RTN1: variants seen among roughly 807,000 people sequenced by gnomAD.
RTN1 encodes the protein reticulon 1.
A neutral mutation model predicts 65.5 loss-of-function variants in RTN1; 25 were observed. The observed-to-expected ratio is 0.38, with a 90% CI of 0.28 to 0.53. The LOEUF is 0.53. RTN1 is among the 20% of genes least tolerant of loss of function. The probability of loss-of-function intolerance (pLI) is 0.79; values close to 1 mark genes in which losing one functional copy is unlikely to be tolerated. For missense variants in RTN1, 983 were observed against 1,025.4 expected, an observed-to-expected ratio of 0.96 and a Z score of 0.57; for synonymous variants, 471 against 447.6, an observed-to-expected ratio of 1.05 and a Z score of -0.66.
At chr14:59,620,637 T>G (rs950097400) in intron 3 of RTN1, among the ~76,000 whole-genome samples, 1 of 152,260 alleles carries the variant, frequency 6.6e-6, no homozygotes, top group Admixed American at 6.5e-5. Flanking sequence ...TGGCTTATAT[T>G]ATATTTCTAT....
Position 59,636,553 on chromosome 14 carries a change from C to CA in RTN1, c.1766-29062dup, listed in dbSNP as rs560648369. 2.8e-3 allele frequency among the ~76,000 whole-genome samples: 421 copies of CA among 152,276 alleles called. 3 individuals are homozygous for CA. Among genetic ancestry groups the CA allele is most frequent in the African/African-American group, 1.0e-2 (414 of 41,558 alleles). On this transcript the variant is annotated intron_variant, in intron 3 of 8. Coordinates refer to ENST00000267484, the MANE Select transcript of RTN1 (RefSeq NM_021136.3). ...AGTCTCAGGTATTCCTTTATAGTAA[C>CA]AAAAGAACAGCCTAACACACTAGGT...
intron 1 of RTN1, among the ~76,000 whole-genome samples, chr14:59,749,200 ATATATATATCTATATATATCTATATATC>A (rs1566711077): frequency 1.1e-4 from 6 of 56,668 alleles, no homozygotes; most frequent in African/African-American, 2.5e-4. Context: ...ATATATATCT[ATATATATATCTATATATATCTATATATC>A]TATATATATC....
At chr14:59,759,997 C>A (rs532216810) in intron 1 of RTN1, among the ~76,000 whole-genome samples, 1 of 152,246 alleles carries the variant, frequency 6.6e-6, no homozygotes, top group East Asian at 1.9e-4. Context: ...AACCAGCAAC[C>A]TTCTTACAGG....
intron 3 of RTN1, among the ~76,000 whole-genome samples, chr14:59,724,006 A>T (rs1448026203): frequency 6.6e-6 from 1 of 152,208 alleles, no homozygotes; most frequent in Non-Finnish European, 1.5e-5. Context: ...TTTTATGAAA[A>T]TTTTTAAATT....
At chr14:59,685,035 A>G (rs1322708983) in intron 3 of RTN1, among the ~76,000 whole-genome samples, 5 of 152,222 alleles carry the variant, frequency 3.3e-5, no homozygotes, top group African/African-American at 1.2e-4. Context: ...ATGCAAATCA[A>G]TAAATGTAAT....
chr14:59,713,758 T>C (rs992595283), intron 3 of RTN1, among the ~76,000 whole-genome samples: 2 of 152,190 alleles, frequency 1.3e-5, no homozygotes, highest in African/African-American at 4.8e-5. Flanking sequence ...GTATAGTTTT[T>C]AATGACAACA....
At chr14:59,750,159 T>TATATTATATCTATAATATATAATAC in intron 1 of RTN1, among the ~76,000 whole-genome samples, 1 of 46,104 alleles carries the variant, frequency 2.2e-5, no homozygotes, top group Non-Finnish European at 3.4e-5. Context: ...TTATAGATAA[T>TATATTATATCTATAATATATAATAC]ATATATTATA....
At chr14:59,695,712 C>A (rs1884049627) in intron 3 of RTN1, among the ~76,000 whole-genome samples, 1 of 152,134 alleles carries the variant, frequency 6.6e-6, no homozygotes, top group African/African-American at 2.4e-5. Flanking sequence ...ATTACCATCT[C>A]TTTTATCTAT....
In RTN1 at chr14:59,803,497, C is replaced by G. The variant is rs1055069436; in HGVS notation, c.242-57016G>C. ...CAAATCTACTCTGGCCTGAATTATT[C>G]AAGTTAAATACAACCTTCTTTGCAG... On this transcript the variant is annotated intron_variant, in intron 1 of 8. Transcript: ENST00000267484. This position sits in a 1 kb window ranked among gnomAD's most constrained non-coding sequence, Gnocchi z 5.6. Among the ~76,000 whole-genome samples, 1 of 152,184 alleles carries G rather than the reference C, an allele frequency of 6.6e-6. No homozygotes were observed. The highest frequency in any genetic ancestry group is 2.4e-5 in the African/African-American group (1 of 41,436).
intron 8 of RTN1, among the ~76,000 whole-genome samples, chr14:59,601,415 T>C (rs926905500): frequency 6.6e-6 from 1 of 152,204 alleles, no homozygotes; most frequent in African/African-American, 2.4e-5. Flanking sequence ...ATAGCTCTAC[T>C]GTACTTATTA....
In RTN1 at chr14:59,726,965, T is replaced by C. The variant is rs760149373; in HGVS notation, c.1719A>G (p.Leu573=). The C allele has an allele frequency of 6.2e-6, 10 of 1,613,320 alleles. No individual in the cohort carries two copies. The highest frequency in any genetic ancestry group is 1.6e-4 in the Middle Eastern group (1 of 6,082). Residue 573 remains leucine (L), a synonymous_variant, in exon 3 of 9, where the codon CTA becomes CTG. Transcript: ENST00000267484. Reference sequence around the variant, plus strand: ...GCAGTGGGGGCGGGGCGCCAGGACCTAGAGGCCCAGGGCCCTTTGTGGCCG... The same window carrying C: ...GCAGTGGGGGCGGGGCGCCAGGACCCAGAGGCCCAGGGCCCTTTGTGGCCG... ...SPAATKGPGP[L]GPGAPPPLLF...
intron 1 of RTN1, among the ~76,000 whole-genome samples, chr14:59,866,667 ACT>A (rs1887804246): frequency 6.6e-6 from 1 of 152,020 alleles, no homozygotes; most frequent in South Asian, 2.1e-4. Flanking sequence ...AGTTTTCCAA[ACT>A]CTTTTATTCA....
At chr14:59,629,090 A>G (rs56069144) in intron 3 of RTN1, among the ~76,000 whole-genome samples, 3,138 of 152,344 alleles carry the variant, frequency 0.021, 114 homozygotes, top group African/African-American at 0.071. Flanking sequence ...TATATTGAAC[A>G]TATGTTCTTC....
In RTN1 at chr14:59,870,527, G is replaced by C. The variant is rs1167810945; in HGVS notation, c.104C>G (p.Pro35Arg). 4.1e-6 allele frequency: 6 copies of C among 1,458,960 alleles called. No individual in the cohort carries two copies. In the African/African-American group the frequency reaches 5.9e-5, roughly 14 times the overall value. 90.4% of individuals were successfully genotyped at this position (1,458,960 alleles called of 1,614,324 possible). A position where few individuals can be genotyped will look rare whatever the true frequency, so the allele number is the denominator to read the frequency against. The change falls in exon 1 of 9, where the codon CCG (proline) becomes CGG (arginine). Residue 35 changes from proline to arginine, a missense_variant. Physicochemically the swap from Pro to Arg is moderately radical, Grantham distance 103. This residue lies in a region of RTN1 where 818 missense variants were observed against 801.8 expected (regional missense o/e 1.02). Transcript: ENST00000267484. The surrounding 1 kb of genome is among the most constrained non-coding windows in gnomAD (Gnocchi z 5.1). ...CTGCGGCGCCGGCGTGGCCCCTTTC[G>C]GCGTCACCGCTTCGTTCTCCCCCTC... ...RGEGENEAVT[P>R]KGATPAPQAG...
chr14:59,760,654 T>C (rs1049708012), intron 1 of RTN1, among the ~76,000 whole-genome samples: 1 of 152,242 alleles, frequency 6.6e-6, no homozygotes, highest in Non-Finnish European at 1.5e-5. Flanking sequence ...TCTTAGGTTC[T>C]CATCTTTCAG....
intron 1 of RTN1, among the ~76,000 whole-genome samples, chr14:59,768,428 C>T (rs1385991232): frequency 1.3e-5 from 2 of 152,226 alleles, no homozygotes; most frequent in Non-Finnish European, 2.9e-5. Flanking sequence ...AGATACTCTT[C>T]TCTGCCCTTG....
intron 1 of RTN1, among the ~76,000 whole-genome samples, chr14:59,746,855 A>C (rs1436110543): frequency 6.6e-6 from 1 of 152,176 alleles, no homozygotes; most frequent in Non-Finnish European, 1.5e-5. Flanking sequence ...ACAGCTCTTT[A>C]AGTAGAGGTG....
At chr14:59,838,736 C>T (rs28686973) in intron 1 of RTN1, among the ~76,000 whole-genome samples, 4,811 of 152,140 alleles carry the variant, frequency 0.032, 160 homozygotes, top group African/African-American at 0.085. Context: ...CTCCAGGGTA[C>T]ATAACTGTAG....
intron 3 of RTN1, among the ~76,000 whole-genome samples, chr14:59,661,610 T>C (rs2140207382): frequency 6.6e-6 from 1 of 152,274 alleles, no homozygotes; most frequent in Non-Finnish European, 1.5e-5. Flanking sequence ...TGCAAATCAA[T>C]AAATGTAATC....
Sources: gnomAD v4.1 joint callset for allele counts (sites outside exome capture counted in the v4.1 genomes callset) on GRCh38, gnomAD v4.1.1 for gene constraint, gnomAD v4.1.1 regional missense constraint, Gnocchi (gnomAD v3.1) non-coding constraint, MANE v1.5 for transcripts, NCBI Gene and HGNC (gene_info 2026-07-23, HGNC 2026-07-21) for gene names.